MGAT4D: variants seen among roughly 807,000 people sequenced by gnomAD.
The protein encoded by MGAT4D is alpha-1,3-mannosyl-glycoprotein 4-beta-N-acetylglucosaminyltransferase-like protein MGAT4D.
MGAT4D carries 34 observed loss-of-function variants against 15.9 expected under a neutral mutation model. The ratio of observed to expected loss-of-function variants is 2.14; its 90% CI spans 1.62 to 2.84. The LOEUF (loss-of-function observed/expected upper bound fraction) is 2.84, where lower values mean the gene tolerates loss of function less well. MGAT4D is among the 30% of genes most tolerant of loss of function. MGAT4D has a pLI of 0.00. For synonymous variants in MGAT4D, 112 were observed against 48.2 expected (o/e 2.33, Z -5.49); for missense variants, 327 against 140.2 (o/e 2.33, Z -6.73).
intron 1 of MGAT4D, among the ~76,000 whole-genome samples, chr4:140,492,169 G>A (rs1175239453): frequency 6.6e-6 from 1 of 152,028 alleles, no homozygotes; most frequent in Non-Finnish European, 1.5e-5. Flanking sequence ...GTATAATATT[G>A]CTAAGACCAC....
intron 10 of MGAT4D, chr4:140,449,903 ATAACT>A (rs1405227080): frequency 9.6e-6 from 2 of 207,626 alleles, no homozygotes; most frequent in African/African-American, 4.5e-5. Context: ...ATAGAATGTA[ATAACT>A]TAAAATTAAA....
chr4:140,458,958 A>C (rs55852245), intron 8 of MGAT4D: 26,127 of 152,032 alleles, frequency 0.17, 2,327 homozygotes, highest in South Asian at 0.23. Context: ...AAAAGCATGG[A>C]AGTGAAGAAA....
chr4:140,475,202 G>A (rs1027698161), intron 3 of MGAT4D, among the ~76,000 whole-genome samples: 1 of 152,030 alleles, frequency 6.6e-6, no homozygotes, highest in Non-Finnish European at 1.5e-5. Context: ...AAAGATTTTG[G>A]TGTAGCAAAA....
At chr4:140,482,599 A>G in intron 1 of MGAT4D, 114 bp from the exon 2 acceptor site, 1 of 455,872 alleles carries the variant, frequency 2.2e-6, no homozygotes, top group East Asian at 3.6e-5. Flanking sequence ...ATAGTACTAT[A>G]TATGTATTAT....
chr4:140,474,883 A>G lies in MGAT4D; in HGVS notation c.455T>C (p.Leu152Pro). Residue 152 changes from leucine to proline, a missense_variant, in exon 4 of 11, where the codon CTG (leucine) becomes CCG (proline). Physicochemically the swap from Leu to Pro is moderately conservative, Grantham distance 98. Transcript: ENST00000511113. ...CGTCATCCTGGAGACAACAGAGGTCAGTGTCTGTTTCAGGTAACTATAATT... is the reference window on the plus strand; with the variant it reads ...CGTCATCCTGGAGACAACAGAGGTCGGTGTCTGTTTCAGGTAACTATAATT... ...RGNYSYLKQTLTSVVSRMTLS... is the reference protein window; with the variant it reads ...RGNYSYLKQTPTSVVSRMTLS... The G allele has an allele frequency of 1.4e-6, 1 of 699,604 alleles. No homozygotes were observed. The highest frequency in any genetic ancestry group is 1.5e-5 in the South Asian group (1 of 66,778). 43.3% of individuals were successfully genotyped at this position (699,604 alleles called of 1,614,324 possible).
intron 2 of MGAT4D, among the ~76,000 whole-genome samples, chr4:140,480,781 ACAC>A (rs1732661506): frequency 8.0e-6 from 1 of 124,564 alleles, no homozygotes; most frequent in Admixed American, 8.0e-5. Flanking sequence ...ACACACACAC[ACAC>A]ACGCAGTGGG....
intron 1 of MGAT4D, among the ~76,000 whole-genome samples, chr4:140,494,285 G>T (rs1027571731): frequency 6.6e-6 from 1 of 152,206 alleles, no homozygotes; most frequent in African/African-American, 2.4e-5. Flanking sequence ...AAGAATGTGG[G>T]AATGATAACT....
intron 5 of MGAT4D, among the ~76,000 whole-genome samples, chr4:140,465,565 CA>C (rs1285935919): frequency 2.6e-5 from 4 of 152,032 alleles, no homozygotes; most frequent in Non-Finnish European, 4.4e-5. Flanking sequence ...AATATGATCA[CA>C]AAAATTCCAA....
chr4:140,451,552 C>T (rs754405135), intron 9 of MGAT4D, 35 bp from the exon 10 acceptor site: 1 of 509,850 alleles, frequency 2.0e-6, no homozygotes, highest in South Asian at 3.2e-5. Flanking sequence ...TCTGTAAAAA[C>T]CCAGGTATTG....
At chr4:140,470,223 C>A (rs1560782346) in intron 5 of MGAT4D, among the ~76,000 whole-genome samples, 1 of 152,190 alleles carries the variant, frequency 6.6e-6, no homozygotes, top group Admixed American at 6.5e-5. Flanking sequence ...TCTATTTGAA[C>A]GACCAGGAGT....
At chr4:140,467,981 A>G (rs1731652944) in intron 5 of MGAT4D, among the ~76,000 whole-genome samples, 1 of 151,990 alleles carries the variant, frequency 6.6e-6, no homozygotes, top group Non-Finnish European at 1.5e-5. Flanking sequence ...TGAATAGGCA[A>G]AAGTTTAGAC....
chr4:140,457,566 G>A (rs1730890465), intron 8 of MGAT4D: 1 of 152,088 alleles, frequency 6.6e-6, no homozygotes, highest in South Asian at 2.1e-4. Flanking sequence ...TAAAATTCTA[G>A]TTGGCAAGCT....
intron 1 of MGAT4D, among the ~76,000 whole-genome samples, chr4:140,496,555 T>C (rs542120867): frequency 6.6e-6 from 1 of 152,282 alleles, no homozygotes; most frequent in Admixed American, 6.5e-5. Context: ...CCTTCCAAAA[T>C]TACTAGGCTG....
At chr4:140,461,595 G>T (rs1731176598) in intron 7 of MGAT4D, among the ~76,000 whole-genome samples, 2 of 152,004 alleles carry the variant, frequency 1.3e-5, no homozygotes, top group Non-Finnish European at 2.9e-5. Flanking sequence ...TAATAAAATT[G>T]TAAGCCAAGA....
At chr4:140,457,544 G>A (rs1730889448) in intron 8 of MGAT4D, 1 of 152,102 alleles carries the variant, frequency 6.6e-6, no homozygotes, top group Non-Finnish European at 1.5e-5. Context: ...CTAACCTGCT[G>A]TCACCATGCT....
chr4:140,475,100 A>T (rs1037272286), intron 3 of MGAT4D, among the ~76,000 whole-genome samples, 154 bp from the exon 4 acceptor site: 9 of 152,222 alleles, frequency 5.9e-5, no homozygotes, highest in Non-Finnish European at 1.2e-4. Context: ...AACTATGTTA[A>T]TTTTTATCAC....
At chr4:140,455,508 T>C (rs1179058988) in intron 9 of MGAT4D, among the ~76,000 whole-genome samples, 1 of 152,230 alleles carries the variant, frequency 6.6e-6, no homozygotes, top group Non-Finnish European at 1.5e-5. Context: ...GAATGTTGTA[T>C]CTGTTTTTTG....
chr4:140,465,522 A>G (rs1331700922), intron 5 of MGAT4D, among the ~76,000 whole-genome samples: 1 of 152,216 alleles, frequency 6.6e-6, no homozygotes, highest in Non-Finnish European at 1.5e-5. Context: ...CGTTAATGTG[A>G]TAGATCAACA....
chr4:140,450,802 T>A (rs573806895), intron 10 of MGAT4D, among the ~76,000 whole-genome samples: 1 of 152,120 alleles, frequency 6.6e-6, no homozygotes, highest in South Asian at 2.1e-4. Context: ...CTCAGAGGAG[T>A]GTTATAGCCT....
Sources: allele counts gnomAD v4.1 joint callset (sites outside exome capture counted in the v4.1 genomes callset), GRCh38; gene constraint gnomAD v4.1.1; transcripts MANE v1.5; gene names NCBI Gene and HGNC (gene_info 2026-07-23, HGNC 2026-07-21).